SAMD5: variants seen among roughly 807,000 people sequenced by gnomAD.
The protein encoded by SAMD5 is sterile alpha motif domain containing 5, also known as sterile alpha motif domain-containing protein 5.
SAMD5 carries 13 observed loss-of-function variants against 11.3 expected under a neutral mutation model. The observed-to-expected ratio is 1.15, with a 90% CI of 0.75 to 1.83. The LOEUF is 1.83. SAMD5 is among the 40% of genes most tolerant of loss of function. The pLI is 0.00. For missense variants in SAMD5, 255 were observed against 239.1 expected, an observed-to-expected ratio of 1.07 and a Z score of -0.44; for synonymous variants, 129 against 111.3, an observed-to-expected ratio of 1.16 and a Z score of -1.00.
the SAMD5 span, among the ~76,000 whole-genome samples, chr6:147,801,158 A>G: frequency 6.6e-6 from 1 of 152,230 alleles, no homozygotes; most frequent in African/African-American, 2.4e-5. Context: ...AAGGATTAAT[A>G]TGGTTCACAC....
chr6:147,890,722 G>C, the SAMD5 span, among the ~76,000 whole-genome samples: 2 of 151,534 alleles, frequency 1.3e-5, no homozygotes, highest in African/African-American at 4.8e-5. Flanking sequence ...CAGGAAAATA[G>C]AGACTCATGA....
chr6:147,845,261 G>T, the SAMD5 span, among the ~76,000 whole-genome samples: 1 of 152,016 alleles, frequency 6.6e-6, no homozygotes, highest in South Asian at 2.1e-4. Context: ...AATTCAAAAT[G>T]GATGACAGAC....
At chr6:147,725,632 A>G (rs1583155034) in intron 1 of SAMD5, among the ~76,000 whole-genome samples, 1 of 152,030 alleles carries the variant, frequency 6.6e-6, no homozygotes, top group Admixed American at 6.6e-5. Context: ...CAGGTGATCC[A>G]CCCGCCTTGG....
the SAMD5 span, among the ~76,000 whole-genome samples, chr6:147,900,822 G>A: frequency 1.3e-5 from 2 of 152,116 alleles, no homozygotes; most frequent in Non-Finnish European, 2.9e-5. Flanking sequence ...ATTTTCAAAA[G>A]CATAAACTTT....
chr6:147,912,387 G>T, the SAMD5 span, among the ~76,000 whole-genome samples: 5,021 of 152,250 alleles, frequency 0.033, 107 homozygotes, highest in Middle Eastern at 0.051. Flanking sequence ...TATAAATGAG[G>T]GAACTGAGGC....
Position 147,509,341 on chromosome 6 carries a change from T to C in SAMD5, c.413T>C (p.Leu138Pro), listed in dbSNP as rs1788047594. The change falls in exon 1 of 2, where the codon CTC (leucine) becomes CCC (proline). Residue 138 changes from leucine (L) to proline (P), a missense_variant. Coordinates refer to ENST00000367474, the MANE Select transcript of SAMD5 (RefSeq NM_001030060.3). ...LKLKIMIRDK[L>P]VRDGIHLSKP... ...CTGAAGATCATGATCAGGGATAAGC[T>C]CGTCCGTGACGGCATCCACCTGAGC... 6.3e-7 allele frequency: 1 copy of C among 1,579,946 alleles called. No individual in the cohort carries two copies. The highest frequency in any genetic ancestry group is 1.8e-5 in the Admixed American group (1 of 56,062).
At chr6:147,834,302 T>G in the SAMD5 span, among the ~76,000 whole-genome samples, 1 of 151,710 alleles carries the variant, frequency 6.6e-6, no homozygotes, top group Non-Finnish European at 1.5e-5. Flanking sequence ...AAGAGGAGAG[T>G]TGGGGTGCAT....
chr6:147,723,014 C>T (rs1562360199), intron 1 of SAMD5, among the ~76,000 whole-genome samples: 2 of 152,200 alleles, frequency 1.3e-5, no homozygotes, highest in East Asian at 1.9e-4. Context: ...TCTACTCCAT[C>T]CTTATATTTC....
the SAMD5 span, among the ~76,000 whole-genome samples, chr6:147,775,660 A>G: frequency 6.6e-6 from 1 of 152,216 alleles, no homozygotes; most frequent in Non-Finnish European, 1.5e-5. Context: ...ATCAGGAGTC[A>G]GTTGGGAAAT....
chr6:147,544,578 C>A (rs1353491514), intron 1 of SAMD5, among the ~76,000 whole-genome samples: 2 of 152,086 alleles, frequency 1.3e-5, no homozygotes, highest in Non-Finnish European at 2.9e-5. Context: ...TAGCGACATA[C>A]CTTTGCCATT....
the SAMD5 span, among the ~76,000 whole-genome samples, chr6:147,929,320 C>T: frequency 0.22 from 33,839 of 151,978 alleles, 4,154 homozygotes; most frequent in South Asian, 0.44. Flanking sequence ...AGGGAAATAA[C>T]ATCACTTCTC....
chr6:147,745,565 A>T, the SAMD5 span, among the ~76,000 whole-genome samples: 9 of 152,174 alleles, frequency 5.9e-5, no homozygotes. Flanking sequence ...GCATCAGACA[A>T]ATCTGCTCCT....
chr6:147,794,152 T>G, the SAMD5 span, among the ~76,000 whole-genome samples: 1 of 152,188 alleles, frequency 6.6e-6, no homozygotes, highest in Non-Finnish European at 1.5e-5. Flanking sequence ...CTTATTTGAA[T>G]GAATAAATTT....
In SAMD5 at chr6:147,566,172, C is replaced by G. The variant is rs1188325318; in HGVS notation, c.*1716C>G. ...AATTCAGGCACTGACTAAAATCAGT[C>G]TCATTATCATATACAAATGTAAGGA... On this transcript the variant is annotated 3_prime_UTR_variant, in exon 2 of 2. Transcript: ENST00000367474. 1 of 978,034 alleles carries G rather than the reference C, an allele frequency of 1.0e-6. No homozygotes were observed. Among genetic ancestry groups the G allele is most frequent in the Admixed American group, 6.2e-5 (1 of 16,252 alleles). The allele number at this position is 978,034 out of a possible 1,614,324, so 60.6% of individuals were successfully genotyped here. A position where few individuals can be genotyped will look rare whatever the true frequency, so the allele number is the denominator to read the frequency against.
At chr6:147,807,629 A>G in the SAMD5 span, among the ~76,000 whole-genome samples, 1 of 152,172 alleles carries the variant, frequency 6.6e-6, no homozygotes, top group Non-Finnish European at 1.5e-5. Context: ...CCACCCTCAT[A>G]CTAAACATGT....
chr6:147,592,998 T>TCCCA (rs1789478400), intron 1 of SAMD5, among the ~76,000 whole-genome samples: 4 of 151,772 alleles, frequency 2.6e-5, no homozygotes, highest in African/African-American at 9.7e-5. Flanking sequence ...TTAACAGCTA[T>TCCCA]GTGGTAGAGT....
In SAMD5 at chr6:147,711,078, G is replaced by A. The variant is rs892950333; in HGVS notation, c.163-26239G>A. Reference sequence around the variant, plus strand: ...AAGGAAAAGAAGGAAGGAAGGAAGGGAAGGAAGGGGGCAATGGAAAGTATC... The same window carrying A: ...AAGGAAAAGAAGGAAGGAAGGAAGGAAAGGAAGGGGGCAATGGAAAGTATC... On this transcript the variant is annotated intron_variant, in intron 1 of 1. Transcript: ENST00000566741. This position sits in a 1 kb window ranked among gnomAD's most constrained non-coding sequence, Gnocchi z 4.1. Among the ~76,000 whole-genome samples the A allele has an allele frequency of 4.0e-5, 6 of 151,420 alleles. No individual in the cohort carries two copies. Among genetic ancestry groups the A allele is most frequent in the Non-Finnish European group, 8.8e-5 (6 of 67,880 alleles).
At chr6:147,583,632 C>A (rs1218629370) in intron 1 of SAMD5, among the ~76,000 whole-genome samples, 2 of 152,206 alleles carry the variant, frequency 1.3e-5, no homozygotes, top group Non-Finnish European at 2.9e-5. Flanking sequence ...TAGAAGGTTA[C>A]AGGTAATTTT....
chr6:147,807,306 T>C, the SAMD5 span, among the ~76,000 whole-genome samples: 4 of 152,048 alleles, frequency 2.6e-5, no homozygotes, highest in Non-Finnish European at 1.5e-5. Flanking sequence ...GGTTACAGCG[T>C]GTTAGCCAGG....
Sources: gnomAD v4.1 joint callset for allele counts (sites outside exome capture counted in the v4.1 genomes callset) on GRCh38, gnomAD v4.1.1 for gene constraint, Gnocchi (gnomAD v3.1) non-coding constraint, MANE v1.5 for transcripts, NCBI Gene and HGNC (gene_info 2026-07-23, HGNC 2026-07-21) for gene names.